INPP4B: variants seen among roughly 807,000 people sequenced by gnomAD.
The protein encoded by INPP4B is inositol polyphosphate-4-phosphatase type II B, also known as inositol polyphosphate 4-phosphatase type II.
In INPP4B, 55 loss-of-function variants were observed where a neutral mutation model predicts 122.5. The observed-to-expected ratio is 0.45, with a 90% CI of 0.36 to 0.56. The LOEUF is 0.56. Among genes scored for constraint, INPP4B ranks in the 20% least tolerant of loss-of-function variants. The probability of loss-of-function intolerance (pLI) is 0.00; values close to 1 mark genes in which losing one functional copy is unlikely to be tolerated. For synonymous variants in INPP4B, 403 were observed against 388.7 expected, an observed-to-expected ratio of 1.04 and a Z score of -0.43; for missense variants, 1,000 against 1,097.7, an observed-to-expected ratio of 0.91 and a Z score of 1.26.
chr4:142,191,549 T>C (rs1835837759), intron 15 of INPP4B, among the ~76,000 whole-genome samples: 1 of 152,182 alleles, frequency 6.6e-6, no homozygotes, highest in South Asian at 2.1e-4. Flanking sequence ...ATGGTTTGAA[T>C]TAACTTCCAA....
chr4:142,224,370 T>C (rs1038425810), intron 12 of INPP4B, among the ~76,000 whole-genome samples: 3 of 152,128 alleles, frequency 2.0e-5, no homozygotes, highest in Non-Finnish European at 2.9e-5. Flanking sequence ...TATATATTTT[T>C]AATATTTTTA....
At chr4:142,790,436 T>C (rs1386481420) in intron 1 of INPP4B, among the ~76,000 whole-genome samples, 1 of 152,002 alleles carries the variant, frequency 6.6e-6, no homozygotes, top group Non-Finnish European at 1.5e-5. Flanking sequence ...AAAGAAGATA[T>C]ACAAATGGCC....
chr4:142,329,213 T>A (rs1773557091), intron 7 of INPP4B, among the ~76,000 whole-genome samples: 1 of 152,158 alleles, frequency 6.6e-6, no homozygotes. Context: ...GTGCTTTACC[T>A]ACAGCTGTCC....
intron 2 of INPP4B, 150 bp from the exon 3 acceptor site, chr4:142,462,876 A>G (rs1816991716): frequency 6.6e-6 from 1 of 152,232 alleles, no homozygotes; most frequent in Admixed American, 6.5e-5. Flanking sequence ...CATGGAGCAT[A>G]GCTATTTCTT....
chr4:142,591,312 G>A (rs888474626), intron 2 of INPP4B, among the ~76,000 whole-genome samples: 1 of 151,878 alleles, frequency 6.6e-6, no homozygotes, highest in Non-Finnish European at 1.5e-5. Context: ...AAAAATTAAT[G>A]ATAGGTTTAT....
intron 7 of INPP4B, among the ~76,000 whole-genome samples, chr4:142,324,505 G>C (rs1771598373): frequency 6.6e-6 from 1 of 152,128 alleles, no homozygotes; most frequent in Non-Finnish European, 1.5e-5. Flanking sequence ...CCATGAGTTT[G>C]AATCTCTTTT....
intron 1 of INPP4B, among the ~76,000 whole-genome samples, chr4:142,815,142 A>C (rs941349086): frequency 2.6e-5 from 4 of 152,250 alleles, no homozygotes; most frequent in Admixed American, 2.6e-4. Flanking sequence ...ATTACTCTAG[A>C]GGGGTGTCCT....
chr4:142,333,688 T>C (rs1477999012), intron 7 of INPP4B, among the ~76,000 whole-genome samples: 2 of 152,132 alleles, frequency 1.3e-5, no homozygotes, highest in Non-Finnish European at 2.9e-5. Flanking sequence ...TGTATTGGAC[T>C]ACATTAACTC....
chr4:142,177,166 G>A (rs1828712809), intron 15 of INPP4B, among the ~76,000 whole-genome samples: 1 of 151,998 alleles, frequency 6.6e-6, no homozygotes, highest in African/African-American at 2.4e-5. Flanking sequence ...TCTTTTTAAC[G>A]ATGAGCACCT....
At chr4:142,051,783 T>C (rs1754747714) in intron 25 of INPP4B, among the ~76,000 whole-genome samples, 1 of 152,038 alleles carries the variant, frequency 6.6e-6, no homozygotes. Context: ...TTCAACTGTC[T>C]AAATAATTCT....
At chr4:142,082,372 C>A (rs1010000843) in intron 24 of INPP4B, among the ~76,000 whole-genome samples, 187 bp from the exon 25 acceptor site, 1 of 152,116 alleles carries the variant, frequency 6.6e-6, no homozygotes, top group Admixed American at 6.6e-5. Context: ...CAAAAGCCAA[C>A]ACAATGGACC....
intron 11 of INPP4B, among the ~76,000 whole-genome samples, chr4:142,257,897 C>T (rs1474813366): frequency 6.6e-6 from 1 of 152,166 alleles, no homozygotes; most frequent in Non-Finnish European, 1.5e-5. Context: ...ATTGCCAAGT[C>T]AATCCTAAGC....
chr4:142,047,215 A>C (rs1364868600), intron 25 of INPP4B, among the ~76,000 whole-genome samples: 1 of 152,028 alleles, frequency 6.6e-6, no homozygotes, highest in Non-Finnish European at 1.5e-5. Context: ...AACTTTTTTG[A>C]TAGAAATAAA....
At chr4:142,416,101 T>C (rs886084985) in intron 5 of INPP4B, among the ~76,000 whole-genome samples, 4 of 152,104 alleles carry the variant, frequency 2.6e-5, no homozygotes, top group Non-Finnish European at 5.9e-5. Context: ...CATGTATACA[T>C]ATGTAACTAA....
intron 21 of INPP4B, among the ~76,000 whole-genome samples, chr4:142,114,296 G>T (rs1478147737): frequency 6.6e-6 from 1 of 151,988 alleles, no homozygotes; most frequent in East Asian, 1.9e-4. Flanking sequence ...GTGGTATGGA[G>T]ATATGTTTCA....
At chr4:142,456,810 A>C (rs1222155586) in intron 3 of INPP4B, among the ~76,000 whole-genome samples, 1 of 152,112 alleles carries the variant, frequency 6.6e-6, no homozygotes, top group Non-Finnish European at 1.5e-5. Context: ...TCAAAATCCA[A>C]GCAAGAATTT....
chr4:142,463,524 A>G (rs75161274), intron 2 of INPP4B, among the ~76,000 whole-genome samples: 4,739 of 152,272 alleles, frequency 0.031, 282 homozygotes, highest in African/African-American at 0.11. Flanking sequence ...CTTAATTTGT[A>G]TACTTTCACT....
intron 2 of INPP4B, among the ~76,000 whole-genome samples, chr4:142,698,119 T>C (rs542722284): frequency 2.0e-5 from 3 of 152,232 alleles, no homozygotes; most frequent in Non-Finnish European, 2.9e-5. Context: ...ATCTTGGCTG[T>C]AATTAAGATA....
intron 12 of INPP4B, among the ~76,000 whole-genome samples, chr4:142,231,678 T>C: frequency 6.6e-6 from 1 of 152,186 alleles, no homozygotes; most frequent in East Asian, 1.9e-4. Context: ...ATAGCAGCCT[T>C]TTAAATTCTC....
Sources: allele counts gnomAD v4.1 joint callset (sites outside exome capture counted in the v4.1 genomes callset), GRCh38; gene constraint gnomAD v4.1.1; transcripts MANE v1.5; gene names NCBI Gene and HGNC (gene_info 2026-07-23, HGNC 2026-07-21).